Variants in TMEM45A observed in about 807,000 individuals in gnomAD.
TMEM45A encodes transmembrane protein 45A.
TMEM45A carries 25 observed loss-of-function variants against 32.0 expected under a neutral mutation model. The ratio of observed to expected loss-of-function variants is 0.78; its 90% confidence interval spans 0.57 to 1.09. The LOEUF (loss-of-function observed/expected upper bound fraction) is 1.09, where lower values mean the gene tolerates loss of function less well. TMEM45A is among the 50% of genes least tolerant of loss of function. TMEM45A has a pLI of 0.00. For synonymous variants in TMEM45A, 122 were observed against 114.8 expected (o/e 1.06, Z -0.40); for missense variants, 302 against 325.0 (o/e 0.93, Z 0.54).
chr3:100,494,834 G>T (rs749477996), intron 1 of TMEM45A, among the ~76,000 whole-genome samples: 1 of 152,128 alleles, frequency 6.6e-6, no homozygotes, highest in Non-Finnish European at 1.5e-5. Flanking sequence ...GCCCCCCTGT[G>T]CCTCAGCTTC....
intron 1 of TMEM45A, among the ~76,000 whole-genome samples, chr3:100,516,539 G>A (rs903380236): frequency 6.6e-6 from 1 of 152,068 alleles, no homozygotes; most frequent in Non-Finnish European, 1.5e-5. Context: ...TACCTCCATC[G>A]CAGTCTTATT....
chr3:100,535,157 G>C (rs368092114), intron 1 of TMEM45A, among the ~76,000 whole-genome samples: 1 of 151,060 alleles, frequency 6.6e-6, no homozygotes, highest in Non-Finnish European at 1.5e-5. Context: ...GTCTCACTCT[G>C]TCACCCAGGC....
chr3:100,548,137 G>C (rs1363947868), intron 1 of TMEM45A, among the ~76,000 whole-genome samples: 1 of 152,146 alleles, frequency 6.6e-6, no homozygotes, highest in Non-Finnish European at 1.5e-5. Flanking sequence ...ATTTTCTTCT[G>C]ACAGAGCTTT....
At chr3:100,535,681 C>T (rs1705727837) in intron 1 of TMEM45A, among the ~76,000 whole-genome samples, 1 of 152,130 alleles carries the variant, frequency 6.6e-6, no homozygotes, top group African/African-American at 2.4e-5. Flanking sequence ...AATCATAAGT[C>T]CTTGGCCTCA....
intron 4 of TMEM45A, among the ~76,000 whole-genome samples, chr3:100,566,293 G>T (rs1706436698): frequency 6.6e-6 from 1 of 152,068 alleles, no homozygotes. Context: ...AAATTGCCAG[G>T]TCATATGGAA....
At chr3:100,574,241 A>G (rs1334545255) in intron 5 of TMEM45A, 1 of 152,198 alleles carries the variant, frequency 6.6e-6, no homozygotes, top group African/African-American at 2.4e-5. Context: ...AACAAAATTG[A>G]TAGACTGCTA....
At chr3:100,561,087 C>T (rs1172519043) in intron 4 of TMEM45A, among the ~76,000 whole-genome samples, 1 of 152,126 alleles carries the variant, frequency 6.6e-6, no homozygotes, top group Non-Finnish European at 1.5e-5. Context: ...GAAAAATGAA[C>T]ATTTAATACC....
chr3:100,571,266 T>A (rs1278464987), intron 5 of TMEM45A: 1 of 152,166 alleles, frequency 6.6e-6, no homozygotes, highest in East Asian at 1.9e-4. Flanking sequence ...CCGTCCAATA[T>A]ACATTCACAT....
At chr3:100,564,703 C>G (rs903291406) in intron 4 of TMEM45A, among the ~76,000 whole-genome samples, 2 of 152,126 alleles carry the variant, frequency 1.3e-5, no homozygotes, top group African/African-American at 4.8e-5. Context: ...AGGCTGGTCT[C>G]AAACTCTTGA....
intron 4 of TMEM45A, among the ~76,000 whole-genome samples, chr3:100,565,503 T>C (rs1706412876): frequency 6.6e-6 from 1 of 152,144 alleles, no homozygotes; most frequent in Admixed American, 6.6e-5. Context: ...TTATTAGACG[T>C]GTAATCATGG....
intron 4 of TMEM45A, 106 bp downstream of exon 4, chr3:100,558,695 T>A: frequency 8.9e-7 from 1 of 1,126,324 alleles, no homozygotes; most frequent in Non-Finnish European, 1.3e-6. Flanking sequence ...ACATACTGCC[T>A]GTAGTAAGAT....
At chr3:100,533,315 C>T (rs1343453244) in intron 1 of TMEM45A, among the ~76,000 whole-genome samples, 1 of 152,070 alleles carries the variant, frequency 6.6e-6, no homozygotes, top group South Asian at 2.1e-4. Context: ...GGATCAGATA[C>T]CGTGCATATT....
intron 1 of TMEM45A, among the ~76,000 whole-genome samples, chr3:100,541,916 C>T (rs1171775534): frequency 6.6e-6 from 1 of 152,084 alleles, no homozygotes; most frequent in East Asian, 1.9e-4. Context: ...AAGTCCTTTC[C>T]CCTTAGCTTA....
At chr3:100,543,343 G>A (rs560778189) in intron 1 of TMEM45A, among the ~76,000 whole-genome samples, 4 of 152,228 alleles carry the variant, frequency 2.6e-5, no homozygotes, top group African/African-American at 7.2e-5. Flanking sequence ...AGCATGTATA[G>A]GAATTTTGGG....
At chr3:100,574,397 C>T in intron 5 of TMEM45A, 1 of 152,162 alleles carries the variant, frequency 6.6e-6, no homozygotes, top group Non-Finnish European at 1.5e-5. Flanking sequence ...CTAGAAAATC[C>T]TGAAGAAATG....
chr3:100,496,178 G>A (rs1461238636), intron 1 of TMEM45A, among the ~76,000 whole-genome samples: 1 of 152,066 alleles, frequency 6.6e-6, no homozygotes, highest in Non-Finnish European at 1.5e-5. Context: ...GATCTCTAGA[G>A]GCCCTTTTTC....
At chr3:100,512,604 A>G (rs1708185309) in intron 1 of TMEM45A, among the ~76,000 whole-genome samples, 1 of 151,808 alleles carries the variant, frequency 6.6e-6, no homozygotes, top group African/African-American at 2.4e-5. Context: ...AGCTAGCAGA[A>G]GGCAAGAAAT....
chr3:100,509,931 CAGG>C (rs1286393717), intron 1 of TMEM45A, among the ~76,000 whole-genome samples: 2 of 152,200 alleles, frequency 1.3e-5, no homozygotes, highest in Admixed American at 1.3e-4. Flanking sequence ...AACGGCGCAC[CAGG>C]AGATTATATC....
At chr3:100,563,728 G>T (rs1433159325) in intron 4 of TMEM45A, among the ~76,000 whole-genome samples, 1 of 152,164 alleles carries the variant, frequency 6.6e-6, no homozygotes, top group African/African-American at 2.4e-5. Context: ...AGAGGACCTA[G>T]AAATTCTTGC....
Sources: gnomAD v4.1 joint callset for allele counts (sites outside exome capture counted in the v4.1 genomes callset) on GRCh38, gnomAD v4.1.1 for gene constraint, MANE v1.5 for transcripts, NCBI Gene and HGNC (gene_info 2026-07-23, HGNC 2026-07-21) for gene names.